The following MFSD11 variants were observed in gnomAD, a reference collection of about 807,000 sequenced individuals.
MFSD11 encodes UNC93-like protein MFSD11.
In MFSD11, 36 loss-of-function variants were observed where a neutral mutation model predicts 53.5. That is an observed-to-expected ratio of 0.67 (90% CI 0.52 to 0.89). The LOEUF is 0.89. Among genes scored for constraint, MFSD11 ranks in the 40% least tolerant of loss-of-function variants. The pLI is 0.00. For missense variants in MFSD11, 530 were observed against 543.9 expected (o/e 0.97, Z 0.25); for synonymous variants, 186 against 184.9 (o/e 1.01, Z -0.05).
intron 10 of MFSD11, among the ~76,000 whole-genome samples, chr17:76,771,979 C>T (rs557818626): frequency 4.6e-5 from 7 of 152,186 alleles, no homozygotes; most frequent in South Asian, 4.1e-4. Context: ...ATGTAAATGG[C>T]GGGCGAAGCT....
chr17:76,755,700 A>ATATATATGTG (rs2079489721), intron 8 of MFSD11, among the ~76,000 whole-genome samples: 1 of 144,268 alleles, frequency 6.9e-6, no homozygotes, highest in African/African-American at 2.5e-5. Flanking sequence ...AGTTTTTTAC[A>ATATATATGTG]TATATATATG....
the MFSD11 span, among the ~76,000 whole-genome samples, chr17:76,800,912 A>G: frequency 6.6e-6 from 1 of 152,028 alleles, no homozygotes; most frequent in East Asian, 1.9e-4. Context: ...CCCCATTTGT[A>G]CCAAAAATAT....
chr17:76,747,993 A>G (rs1223163860), intron 7 of MFSD11: 5 of 151,502 alleles, frequency 3.3e-5, no homozygotes, highest in Admixed American at 2.0e-4. Context: ...AAGACAGATA[A>G]GTCCTTGTTC....
downstream of MFSD11, among the ~76,000 whole-genome samples, chr17:76,785,958 A>G (rs1380541355): frequency 6.6e-6 from 1 of 151,258 alleles, no homozygotes. Context: ...GGGCACCTGT[A>G]ATCCTACTTG....
chr17:76,778,317 T>C lies in MFSD11; in HGVS notation c.1315T>C (p.Phe439Leu), dbSNP rs1244911947. 2 of 1,614,182 alleles carry C rather than the reference T, an allele frequency of 1.2e-6. No individual in the cohort carries two copies. Among genetic ancestry groups the C allele is most frequent in the Admixed American group, 3.3e-5 (2 of 60,018 alleles). ...CACTGTGGAATGGGAAGCTGCCGCCTTTGTAGCCCGCGGCTCTGACTACCG... is the reference window on the plus strand; with the variant it reads ...CACTGTGGAATGGGAAGCTGCCGCCCTTGTAGCCCGCGGCTCTGACTACCG... ...FFTVEWEAAA[F>L]VARGSDYRSI The change falls in exon 13 of 13, where the codon TTT (phenylalanine) becomes CTT (leucine). Residue 439 changes from phenylalanine to leucine, a missense_variant. By Grantham distance (22) the Phe-to-Leu change is conservative. Transcript: ENST00000685175.
chr17:76,736,679 G>T (rs1347237325), upstream of MFSD11: 142 of 1,239,500 alleles, frequency 1.1e-4, no homozygotes, highest in Non-Finnish European at 3.4e-5. Flanking sequence ...CGCGAGACGC[G>T]GCGTGCACCC....
chr17:76,799,141 A>C, the MFSD11 span: 1 of 152,168 alleles, frequency 6.6e-6, no homozygotes, highest in Non-Finnish European at 1.5e-5. Context: ...CTTGAGACAA[A>C]ATCTCACTCT....
At chr17:76,768,266 A>G (rs1026987675) in intron 9 of MFSD11, among the ~76,000 whole-genome samples, 2 of 150,260 alleles carry the variant, frequency 1.3e-5, no homozygotes, top group Admixed American at 6.7e-5. Flanking sequence ...TGGCACCACT[A>G]TACTCCAGCC....
In MFSD11 at chr17:76,775,055, G is replaced by A. The variant is rs748060743; in HGVS notation, c.933G>A (p.Val311=). The part of the protein sequence containing the change: ...KNNRFGRNPV[V]LLGILVHFIA... Reference sequence around the variant, plus strand: ...ATCGTTTTGGTAGAAATCCAGTTGTGCTGTTGGGCATCCTGGTGCACTTCA... The same window carrying A: ...ATCGTTTTGGTAGAAATCCAGTTGTACTGTTGGGCATCCTGGTGCACTTCA... The change falls in exon 11 of 13, where the codon GTG becomes GTA. Residue 311 remains valine (V), a synonymous_variant. Transcript: ENST00000685175. 8 of 1,614,082 alleles carry A rather than the reference G, an allele frequency of 5.0e-6. No homozygotes were observed. The highest frequency in any genetic ancestry group is 3.3e-4 in the Middle Eastern group (2 of 6,062).
At chr17:76,778,120 C>G in intron 12 of MFSD11, 68 bp from the exon 13 acceptor site, 1 of 1,544,852 alleles carries the variant, frequency 6.5e-7, no homozygotes, top group Non-Finnish European at 8.9e-7. Context: ...AGGAGTGGGG[C>G]TAGGGGCTAA....
rs866500227 is a variant in MFSD11 at position 76,763,317 on chromosome 17, T to C, written c.683-4069T>C. On this transcript the variant is annotated intron_variant, in intron 8 of 12. Transcript: ENST00000685175. The stretch of plus-strand genomic sequence containing the variant: ...TATTGCTCTGCCACCCAGGCTGGAG[T>C]GCAGTAGCACAATCTCGACTCACTG... Among the ~76,000 whole-genome samples, 6 of 151,910 alleles carry C rather than the reference T, an allele frequency of 3.9e-5. No homozygotes were observed. In the South Asian group the frequency reaches 1.2e-3, roughly 32 times the overall value.
the MFSD11 span, among the ~76,000 whole-genome samples, chr17:76,801,412 A>G: frequency 6.6e-6 from 1 of 150,906 alleles, no homozygotes. Context: ...AAGGAAGAAA[A>G]AGAAATAATA....
chr17:76,778,268 G>A lies in MFSD11; in HGVS notation c.1266G>A (p.Gly422=). Residue 422 remains glycine (G), a synonymous_variant, in exon 13 of 13, where the codon GGG becomes GGA. Coordinates refer to ENST00000685175, the MANE Select transcript of MFSD11 (RefSeq NM_001242532.5). ...HWQLLVMVIF[G]FFGTISFFTV... is the part of the protein sequence containing the mutation. ...AACTCCTGGTCATGGTGATATTTGG[G>A]TTTTTTGGAACAATTTCTTTCTTCA... 1 of 1,614,132 alleles carries A rather than the reference G, an allele frequency of 6.2e-7. No homozygotes were observed.
intron 10 of MFSD11, among the ~76,000 whole-genome samples, 180 bp downstream of exon 10, chr17:76,770,051 A>G (rs1339640219): frequency 8.4e-6 from 1 of 118,834 alleles, no homozygotes; most frequent in Non-Finnish European, 1.6e-5. Context: ...TTTTTTTTCC[A>G]GACAGAGTCT....
the MFSD11 span, among the ~76,000 whole-genome samples, chr17:76,795,084 TTGTATC>T: frequency 6.6e-6 from 1 of 152,014 alleles, no homozygotes; most frequent in Non-Finnish European, 1.5e-5. Context: ...GGGAAAAAAA[TTGTATC>T]TGTACTGAAC....
downstream of MFSD11, among the ~76,000 whole-genome samples, chr17:76,782,052 C>T (rs2082175949): frequency 6.7e-6 from 1 of 150,044 alleles, no homozygotes; most frequent in East Asian, 1.9e-4. Flanking sequence ...AACTCCTGGA[C>T]TCCAGTGATC....
chr17:76,764,052 A>T (rs1358452784), intron 8 of MFSD11, among the ~76,000 whole-genome samples: 1 of 151,954 alleles, frequency 6.6e-6, no homozygotes, highest in African/African-American at 2.4e-5. Context: ...TTTAATAGAG[A>T]TGGGGTTTTA....
At chr17:76,752,538 C>T (rs576263963) in intron 7 of MFSD11, among the ~76,000 whole-genome samples, 1 of 152,140 alleles carries the variant, frequency 6.6e-6, no homozygotes, top group East Asian at 1.9e-4. Context: ...CCACCACACC[C>T]TGCTAAATTT....
At position 76,758,973 on chromosome 17, in the gene MFSD11, A is replaced by C. The variant is rs146087303; in HGVS notation, c.682+4886A>C. ...TTAACACAAATTTTGAGTCAGGCAC[A>C]GTGGCTCACACCTGTAATACCAGCA... On this transcript the variant is annotated intron_variant, in intron 8 of 12. Coordinates refer to ENST00000685175, the MANE Select transcript of MFSD11 (RefSeq NM_001242532.5). Among the ~76,000 whole-genome samples, 568 of 152,198 alleles carry C rather than the reference A, an allele frequency of 3.7e-3. 4 individuals are homozygous for C. The highest frequency in any genetic ancestry group is 0.013 in the African/African-American group (545 of 41,536).
Sources: gnomAD v4.1 joint callset for allele counts (sites outside exome capture counted in the v4.1 genomes callset) on GRCh38, gnomAD v4.1.1 for gene constraint, MANE v1.5 for transcripts, NCBI Gene and HGNC (gene_info 2026-07-23, HGNC 2026-07-21) for gene names.